The following INSL6 variants were observed in gnomAD, a reference collection of about 807,000 sequenced individuals.
INSL6 encodes the protein insulin like 6.
In INSL6, 16 loss-of-function variants were observed where a neutral mutation model predicts 9.4. The observed-to-expected ratio is 1.70, with a 90% CI of 1.15 to 2.59. The LOEUF (loss-of-function observed/expected upper bound fraction) is 2.59. Ranked by LOEUF, INSL6 falls within the 30% of genes most tolerant of loss-of-function variation. The probability of loss-of-function intolerance (pLI) is 0.00; values close to 1 mark genes in which losing one functional copy is unlikely to be tolerated. For synonymous variants in INSL6, 154 were observed against 96.9 expected (o/e 1.59, Z -3.46); for missense variants, 391 against 257.3 (o/e 1.52, Z -3.56).
chr9:5,043,765 A>T, the INSL6 span, among the ~76,000 whole-genome samples: 1 of 152,268 alleles, frequency 6.6e-6, no homozygotes, highest in Non-Finnish European at 1.5e-5. Context: ...TAATTTGGCA[A>T]TAAAAGGAAA....
At chr9:5,102,310 A>G in the INSL6 span, among the ~76,000 whole-genome samples, 1 of 152,220 alleles carries the variant, frequency 6.6e-6, no homozygotes, top group Non-Finnish European at 1.5e-5. Flanking sequence ...GATCAAATTA[A>G]TGAAATAAAG....
chr9:5,114,710 ATGGG>A, the INSL6 span: 1 of 389,762 alleles, frequency 2.6e-6, no homozygotes, highest in South Asian at 2.1e-5. Context: ...CCAGGGCTGA[ATGGG>A]AACAGAAAAA....
downstream of INSL6, among the ~76,000 whole-genome samples, chr9:5,120,974 C>G (rs1823574352): frequency 6.6e-6 from 1 of 152,000 alleles, no homozygotes; most frequent in Non-Finnish European, 1.5e-5. Context: ...AAACAAAGGT[C>G]AAAGATATGG....
At chr9:5,091,551 CTGGT>C in the INSL6 span, 1 of 151,886 alleles carries the variant, frequency 6.6e-6, no homozygotes, top group Non-Finnish European at 1.5e-5. Flanking sequence ...TTGGTGGTTG[CTGGT>C]TGATCATTGT....
the INSL6 span, among the ~76,000 whole-genome samples, chr9:5,039,266 C>G: frequency 6.6e-6 from 1 of 152,086 alleles, no homozygotes; most frequent in African/African-American, 2.4e-5. Flanking sequence ...ATTAAACCAA[C>G]TGCAGATTGA....
At chr9:5,077,540 T>C in the INSL6 span, 2 of 1,492,708 alleles carry the variant, frequency 1.3e-6, no homozygotes, top group South Asian at 1.5e-5. Context: ...TTATGGAAAC[T>C]TGAAGTTGCT....
the INSL6 span, chr9:5,081,823 G>A: frequency 6.2e-7 from 1 of 1,613,746 alleles, no homozygotes; most frequent in Non-Finnish European, 8.5e-7. Context: ...TACACAGTTT[G>A]AAGAGAGACA....
the INSL6 span, chr9:5,089,752 C>A: frequency 6.3e-7 from 1 of 1,586,970 alleles, no homozygotes; most frequent in Non-Finnish European, 8.6e-7. Context: ...TGTAAAAAAG[C>A]TTCAGCATAG....
At chr9:5,096,250 C>A in the INSL6 span, among the ~76,000 whole-genome samples, 1 of 152,180 alleles carries the variant, frequency 6.6e-6, no homozygotes, top group Admixed American at 6.5e-5. Flanking sequence ...TCCACTGATT[C>A]TAGTTATAAC....
the INSL6 span, chr9:5,112,061 C>T: frequency 2.5e-6 from 1 of 405,154 alleles, no homozygotes; most frequent in East Asian, 7.4e-5. Context: ...ACGGGGGTCT[C>T]CACGGCCTGG....
chr9:5,090,620 T>C, the INSL6 span: 3 of 1,542,394 alleles, frequency 1.9e-6, no homozygotes, highest in South Asian at 1.3e-5. Context: ...CGTGTTGAAG[T>C]AGACATTAGG....
chr9:5,035,162 A>G, the INSL6 span, among the ~76,000 whole-genome samples: 1 of 152,142 alleles, frequency 6.6e-6, no homozygotes, highest in African/African-American at 2.4e-5. Flanking sequence ...GGACACATAC[A>G]CCCTCCCAAG....
chr9:5,166,287 C>G (rs1158725112), intron 1 of INSL6, among the ~76,000 whole-genome samples: 3 of 151,494 alleles, frequency 2.0e-5, no homozygotes, highest in South Asian at 2.1e-4. Context: ...CACTTCTATA[C>G]CTTGTTTGTT....
chr9:5,058,749 G>A, the INSL6 span, among the ~76,000 whole-genome samples: 1 of 152,154 alleles, frequency 6.6e-6, no homozygotes, highest in Admixed American at 6.5e-5. Flanking sequence ...GTGTGAAGTA[G>A]TATCTCATTG....
chr9:5,128,658 C>T (rs1824156780), intron 3 of INSL6, among the ~76,000 whole-genome samples: 1 of 151,854 alleles, frequency 6.6e-6, no homozygotes, highest in African/African-American at 2.4e-5. Flanking sequence ...CCCACATGTA[C>T]ATTCTTGTTT....
the INSL6 span, among the ~76,000 whole-genome samples, chr9:5,045,178 T>C: frequency 1.5e-3 from 224 of 152,274 alleles, 4 homozygotes; most frequent in Non-Finnish European, 2.5e-3. Context: ...GAATAGAAAT[T>C]AAAGGAAGAA....
chr9:5,030,369 A>G, the INSL6 span, among the ~76,000 whole-genome samples: 10 of 152,240 alleles, frequency 6.6e-5, no homozygotes, highest in East Asian at 1.7e-3. Context: ...ATTTATGGTA[A>G]TGTGTAATGC....
At chr9:5,066,162 G>A in the INSL6 span, among the ~76,000 whole-genome samples, 1 of 152,092 alleles carries the variant, frequency 6.6e-6, no homozygotes, top group Non-Finnish European at 1.5e-5. Flanking sequence ...TTCTTTCAGG[G>A]TGTGCAGCTT....
the INSL6 span, among the ~76,000 whole-genome samples, chr9:5,055,408 CTAA>C: frequency 1.3e-5 from 2 of 151,896 alleles, no homozygotes; most frequent in Non-Finnish European, 2.9e-5. Flanking sequence ...GTGGTTTCTA[CTAA>C]TGTTAATTGA....
Sources: gnomAD v4.1 joint callset for allele counts (sites outside exome capture counted in the v4.1 genomes callset) on GRCh38, gnomAD v4.1.1 for gene constraint, MANE v1.5 for transcripts, NCBI Gene and HGNC (gene_info 2026-07-23, HGNC 2026-07-21) for gene names.